Variants in IL1RAPL2 observed in about 807,000 individuals in gnomAD.
The protein encoded by IL1RAPL2 is X-linked interleukin-1 receptor accessory protein-like 2.
IL1RAPL2 carries 3 observed loss-of-function variants against 44.1 expected under a neutral mutation model. The observed-to-expected ratio is 0.07, with a 90% CI of 0.03 to 0.18. IL1RAPL2 has a LOEUF of 0.18. Ranked by LOEUF, IL1RAPL2 falls within the 10% of genes least tolerant of loss-of-function variation. The pLI is 1.00. For synonymous variants in IL1RAPL2, 181 were observed against 178.8 expected, an observed-to-expected ratio of 1.01 and a Z score of -0.10; for missense variants, 391 against 496.4, an observed-to-expected ratio of 0.79 and a Z score of 2.02.
intron 6 of IL1RAPL2, among the ~76,000 whole-genome samples, chrX:105,617,073 C>T (rs1042997975): frequency 1.8e-5 from 2 of 110,335 alleles, no homozygotes; most frequent in African/African-American, 6.6e-5. Flanking sequence ...AGATAACATA[C>T]ATACAATACT....
intron 5 of IL1RAPL2, among the ~76,000 whole-genome samples, chrX:105,324,206 T>A (rs2034918249): frequency 9.0e-6 from 1 of 110,541 alleles, no homozygotes; most frequent in South Asian, 3.9e-4. Flanking sequence ...GCAGAGGAGT[T>A]GAAATTTGCA....
At chrX:104,631,661 C>G (rs1166868772) in intron 1 of IL1RAPL2, among the ~76,000 whole-genome samples, 1 of 111,956 alleles carries the variant, frequency 8.9e-6, no homozygotes, top group Non-Finnish European at 1.9e-5. Context: ...CTGCTCATAT[C>G]CTTTGCCCAT....
intron 2 of IL1RAPL2, among the ~76,000 whole-genome samples, chrX:104,948,203 A>G (rs1354530243): frequency 2.8e-5 from 3 of 107,058 alleles, no homozygotes; most frequent in Non-Finnish European, 5.8e-5. Context: ...TTCACTCATG[A>G]TTTGGCTCTC....
intron 5 of IL1RAPL2, among the ~76,000 whole-genome samples, chrX:105,378,987 T>A (rs1038018648): frequency 1.8e-5 from 2 of 111,900 alleles, no homozygotes; most frequent in African/African-American, 6.5e-5. Context: ...CAGTTACTTG[T>A]ATGACCTAGA....
intron 2 of IL1RAPL2, among the ~76,000 whole-genome samples, chrX:104,833,799 G>C (rs774962013): frequency 1.8e-5 from 2 of 112,327 alleles, no homozygotes; most frequent in East Asian, 5.6e-4. Context: ...TGACTATTGG[G>C]AGAGCCAAAT....
chrX:105,722,917 T>C (rs1219516336), intron 7 of IL1RAPL2, among the ~76,000 whole-genome samples: 1 of 110,821 alleles, frequency 9.0e-6, no homozygotes, highest in East Asian at 2.9e-4. Flanking sequence ...CTTCCTTATA[T>C]CTATACTAAT....
intron 2 of IL1RAPL2, among the ~76,000 whole-genome samples, chrX:104,771,082 A>G (rs1932634328): frequency 8.9e-6 from 1 of 112,604 alleles, no homozygotes; most frequent in South Asian, 3.7e-4. Context: ...GAGAAAATAC[A>G]ATATCCCCAT....
intron 2 of IL1RAPL2, among the ~76,000 whole-genome samples, chrX:104,874,895 C>T (rs1236836481): frequency 9.0e-6 from 1 of 111,541 alleles, no homozygotes; most frequent in Non-Finnish European, 1.9e-5. Flanking sequence ...GAGTGATTAA[C>T]CAGCAACTTT....
At chrX:105,425,930 C>A (rs1324946003) in intron 5 of IL1RAPL2, among the ~76,000 whole-genome samples, 1 of 110,019 alleles carries the variant, frequency 9.1e-6, no homozygotes, top group Non-Finnish European at 1.9e-5. Flanking sequence ...TTAAAGGTGC[C>A]CCCTCTTCCT....
intron 2 of IL1RAPL2, among the ~76,000 whole-genome samples, chrX:105,105,261 T>A (rs1173087667): frequency 8.9e-6 from 1 of 112,144 alleles, no homozygotes; most frequent in African/African-American, 3.2e-5. Flanking sequence ...TGTCAGGCAG[T>A]GTGCTAGGTT....
intron 2 of IL1RAPL2, among the ~76,000 whole-genome samples, chrX:104,965,595 T>A (rs1298737284): frequency 4.5e-5 from 5 of 111,518 alleles, no homozygotes; most frequent in Non-Finnish European, 9.4e-5. Context: ...ACTGAAGTAG[T>A]GTCAGAAGAA....
intron 2 of IL1RAPL2, among the ~76,000 whole-genome samples, chrX:104,793,046 G>A (rs1016708312): frequency 8.9e-6 from 1 of 112,181 alleles, no homozygotes; most frequent in Non-Finnish European, 1.9e-5. Context: ...AATGATTGGA[G>A]GTTATATTTT....
chrX:105,478,704 T>TTC lies in IL1RAPL2; in HGVS notation c.698-5609_698-5608insTC, dbSNP rs2036213911. Among the ~76,000 whole-genome samples the TTC allele has an allele frequency of 1.5e-4, 17 of 111,944 alleles. No individual in the cohort carries two copies. In the Admixed American group the frequency reaches 1.5e-3, roughly 10 times the overall value. On this transcript the variant is annotated intron_variant, in intron 5 of 10. Transcript: ENST00000372582. ...AAACTTCCTGGCCATCCTTGAGATA[T>TTC]ACTTCTGATAAATTCCCTTTTGGCT...
intron 5 of IL1RAPL2, among the ~76,000 whole-genome samples, chrX:105,318,372 G>A (rs73245773): frequency 0.054 from 5,973 of 111,631 alleles, 181 homozygotes; most frequent in Non-Finnish European, 0.088. Context: ...AGAAGCAAGG[G>A]CCAAGTTATA....
At chrX:104,949,944 G>A (rs1436177894) in intron 2 of IL1RAPL2, among the ~76,000 whole-genome samples, 4 of 111,050 alleles carry the variant, frequency 3.6e-5, no homozygotes, top group Admixed American at 9.6e-5. Context: ...TCTGCTTGGT[G>A]CAGAGCTGAG....
chrX:105,009,585 A>T (rs2031010965), intron 2 of IL1RAPL2, among the ~76,000 whole-genome samples: 1 of 72,392 alleles, frequency 1.4e-5, no homozygotes, highest in Non-Finnish European at 2.4e-5. Context: ...AACATCACAC[A>T]CCAGGGCCTG....
intron 7 of IL1RAPL2, among the ~76,000 whole-genome samples, chrX:105,731,294 A>C (rs986296039): frequency 9.0e-6 from 1 of 111,022 alleles, no homozygotes; most frequent in Non-Finnish European, 1.9e-5. Context: ...AAACTCATGG[A>C]TAAATATAAC....
At chrX:105,575,060 TTA>T (rs1163532118) in intron 6 of IL1RAPL2, among the ~76,000 whole-genome samples, 1 of 112,380 alleles carries the variant, frequency 8.9e-6, no homozygotes, top group Non-Finnish European at 1.9e-5. Context: ...GCAAAATTAT[TTA>T]TTTGTGTCAT....
chrX:105,354,477 G>A (rs1429963496), intron 5 of IL1RAPL2, among the ~76,000 whole-genome samples: 1 of 85,039 alleles, frequency 1.2e-5, no homozygotes, highest in African/African-American at 5.0e-5. Context: ...ACAGGAAGGG[G>A]AACATCACAC....
Sources: gnomAD v4.1 joint callset for allele counts (sites outside exome capture counted in the v4.1 genomes callset) on GRCh38, gnomAD v4.1.1 for gene constraint, MANE v1.5 for transcripts, NCBI Gene and HGNC (gene_info 2026-07-23, HGNC 2026-07-21) for gene names.